The following PDE3A variants were observed in gnomAD, a reference collection of about 807,000 sequenced individuals.
The protein encoded by PDE3A is cGMP-inhibited 3',5'-cyclic phosphodiesterase 3A.
In PDE3A, 43 loss-of-function variants were observed where a neutral mutation model predicts 98.3. That is an observed-to-expected ratio of 0.44 (90% confidence interval 0.34 to 0.56). The LOEUF (loss-of-function observed/expected upper bound fraction) is 0.56, where lower values mean the gene tolerates loss of function less well. Ranked by LOEUF, PDE3A falls within the 20% of genes least tolerant of loss-of-function variation. The pLI is 0.01. For synonymous variants in PDE3A, 663 were observed against 567.9 expected (o/e 1.17, Z -2.38); for missense variants, 1,427 against 1,440.7 (o/e 0.99, Z 0.15).
At chr12:20,620,826 AC>A (rs1944115212) in intron 4 of PDE3A, among the ~76,000 whole-genome samples, 1 of 146,598 alleles carries the variant, frequency 6.8e-6, no homozygotes, top group Non-Finnish European at 1.5e-5. Flanking sequence ...CAAAAAAAAA[AC>A]ACCATTATTT....
intron 10 of PDE3A, among the ~76,000 whole-genome samples, chr12:20,643,424 C>A (rs1448434920): frequency 6.6e-6 from 1 of 152,092 alleles, no homozygotes; most frequent in Non-Finnish European, 1.5e-5. Flanking sequence ...ATGACAAGAA[C>A]AATGGAGATG....
Position 20,687,932 on chromosome 12 carries a change from A to C in PDE3A, c.*7661A>C, listed in dbSNP as rs1002054020. 7.3e-5 allele frequency among the ~76,000 whole-genome samples: 11 copies of C among 151,090 alleles called. No individual in the cohort carries two copies. Among genetic ancestry groups the C allele is most frequent in the Admixed American group, 2.0e-4 (3 of 15,160 alleles). ...CCCAACAGAAAAAAAAAAAAAAAAA[A>C]AAAAACTGGCATTGGCAAGTTTTAA... On this transcript the variant is annotated 3_prime_UTR_variant, in exon 16 of 16. Coordinates refer to ENST00000359062, the MANE Select transcript of PDE3A (RefSeq NM_000921.5).
chr12:20,519,938 C>T (rs1470136143), intron 1 of PDE3A, among the ~76,000 whole-genome samples: 1 of 152,118 alleles, frequency 6.6e-6, no homozygotes, highest in Non-Finnish European at 1.5e-5. Context: ...TCGGTTTTCT[C>T]CATACTCCTC....
At chr12:20,370,719 A>T (rs1943457698) in intron 1 of PDE3A, among the ~76,000 whole-genome samples, 1 of 152,244 alleles carries the variant, frequency 6.6e-6, no homozygotes, top group African/African-American at 2.4e-5. Context: ...TTAAACATTT[A>T]TGAAAACCAG....
At chr12:20,557,000 A>T in intron 2 of PDE3A, 3 of 345,832 alleles carry the variant, frequency 8.7e-6, no homozygotes, top group Non-Finnish European at 1.0e-5. Context: ...TCAGCAACCC[A>T]CTCTCTTTAT....
rs575372698 is a variant in PDE3A, at chr12:20,415,695, C to T, written c.960+45451C>T. Among the ~76,000 whole-genome samples, 7 of 152,284 alleles carry T rather than the reference C, an allele frequency of 4.6e-5. No homozygotes were observed. The East Asian group carries it at 1.4e-3, about 29-fold the overall frequency. The stretch of plus-strand genomic sequence containing the variant: ...CAGGTGATCTGCCCGCCTCGGCCTC[C>T]CAGAGTGCTAGGATTACAGGCGTGA... On this transcript the variant is annotated intron_variant, in intron 1 of 15. Coordinates refer to ENST00000359062, the MANE Select transcript of PDE3A (RefSeq NM_000921.5).
chr12:20,539,643 T>G (rs1941844272), intron 1 of PDE3A, among the ~76,000 whole-genome samples: 1 of 152,028 alleles, frequency 6.6e-6, no homozygotes, highest in African/African-American at 2.4e-5. Flanking sequence ...GATGAATGGA[T>G]AGATGGATGG....
intron 1 of PDE3A, among the ~76,000 whole-genome samples, chr12:20,471,253 AT>A (rs1159581394): frequency 1.3e-5 from 2 of 152,024 alleles, no homozygotes; most frequent in African/African-American, 2.4e-5. Flanking sequence ...GCGCAACCAA[AT>A]TTTTAATTTG....
At chr12:20,442,314 A>G (rs948268038) in intron 1 of PDE3A, among the ~76,000 whole-genome samples, 15 of 152,228 alleles carry the variant, frequency 9.9e-5, no homozygotes, top group Non-Finnish European at 2.2e-4. Context: ...AACAACCACA[A>G]ATATTGTAAT....
Position 20,541,075 on chromosome 12 carries a change from C to CTTTTT in PDE3A, c.961-15550_961-15546dup, listed in dbSNP as rs777927679. ...AATTGACAAGGACATTGGTAACTTTCTTTTTTTTTTTTTTTTTTTTTTTTT... is the reference window on the plus strand; with the variant it reads ...AATTGACAAGGACATTGGTAACTTTCTTTTTTTTTTTTTTTTTTTTTTTTTTTTTT... On this transcript the variant is annotated intron_variant, in intron 1 of 15. Coordinates refer to ENST00000359062, the MANE Select transcript of PDE3A (RefSeq NM_000921.5). Among the ~76,000 whole-genome samples the CTTTTT allele has an allele frequency of 3.5e-3, 187 of 52,988 alleles. 56 individuals carry two copies. Among genetic ancestry groups the CTTTTT allele is most frequent in the Non-Finnish European group, 4.5e-3 (130 of 28,690 alleles). 34.8% of individuals were successfully genotyped at this position (52,988 alleles called of 152,430 possible).
intron 8 of PDE3A, among the ~76,000 whole-genome samples, chr12:20,636,692 A>G (rs1944522425): frequency 6.6e-6 from 1 of 152,212 alleles, no homozygotes; most frequent in African/African-American, 2.4e-5. Flanking sequence ...GGGAACCCTC[A>G]TCTCAGAAAA....
intron 2 of PDE3A, among the ~76,000 whole-genome samples, chr12:20,604,885 C>G (rs917470604): frequency 6.6e-6 from 1 of 152,114 alleles, no homozygotes; most frequent in Admixed American, 6.5e-5. Context: ...TTTCATATTT[C>G]ATTGTACATG....
intron 1 of PDE3A, among the ~76,000 whole-genome samples, chr12:20,502,581 G>A (rs950818474): frequency 1.3e-5 from 2 of 152,120 alleles, no homozygotes; most frequent in Non-Finnish European, 2.9e-5. Flanking sequence ...TTCACCTAGA[G>A]CAGGTCTAGC....
intron 1 of PDE3A, among the ~76,000 whole-genome samples, chr12:20,393,558 C>T (rs1340515106): frequency 1.3e-5 from 2 of 151,924 alleles, no homozygotes. Flanking sequence ...CATCCAGTTA[C>T]CTGATTTGAT....
At position 20,582,704 on chromosome 12, in the gene PDE3A, C is replaced by CT. The variant is rs566651358; in HGVS notation, c.1011+26000dup. 7.9e-5 allele frequency among the ~76,000 whole-genome samples: 12 copies of CT among 152,064 alleles called. No individual in the cohort carries two copies. The South Asian group carries it at 2.5e-3, about 32-fold the overall frequency. On this transcript the variant is annotated intron_variant, in intron 2 of 15. Transcript: ENST00000359062. ...TAGGAATATGTTTTGAGACCATAGA[C>CT]TTTTTTCATGTTTGTGTTTGGTTTT...
intron 1 of PDE3A, among the ~76,000 whole-genome samples, chr12:20,422,473 AG>A (rs553445052): frequency 6.6e-6 from 1 of 152,328 alleles, no homozygotes; most frequent in Non-Finnish European, 1.5e-5. Flanking sequence ...TATGAAGTTG[AG>A]GTCATATATT....
At position 20,384,200 on chromosome 12, in the gene PDE3A, T is replaced by C. The variant is rs543434062; in HGVS notation, c.960+13956T>C. ...TGGGTTGACATTTTTTTTTTTTTTT[T>C]CTCTAATTTTATCTTCTGCCTACAC... On this transcript the variant is annotated intron_variant, in intron 1 of 15. Coordinates refer to ENST00000359062, the MANE Select transcript of PDE3A (RefSeq NM_000921.5). 4.2e-3 allele frequency among the ~76,000 whole-genome samples: 551 copies of C among 129,712 alleles called. 3 individuals are homozygous for C. Among genetic ancestry groups the C allele is most frequent in the African/African-American group, 0.014 (504 of 34,948 alleles). The allele number at this position is 129,712 out of a possible 152,430, so 85.1% of individuals were successfully genotyped here.
chr12:20,549,904 A>G (rs1942154197), intron 1 of PDE3A, among the ~76,000 whole-genome samples: 2 of 152,184 alleles, frequency 1.3e-5, no homozygotes, highest in South Asian at 4.1e-4. Flanking sequence ...ATTTTTTGAA[A>G]TGCATCTTAC....
Position 20,630,032 on chromosome 12 carries a change from C to T in PDE3A, c.1665C>T (p.Ala555=), listed in dbSNP as rs1944346762. The T allele has an allele frequency of 6.2e-7, 1 of 1,613,860 alleles. No homozygotes were observed. The highest frequency in any genetic ancestry group is 1.3e-5 in the African/African-American group (1 of 74,896). ...VQFPESADTT[A]KQSLGSHRAL... is the part of the protein sequence containing the mutation. ...TTCCAGAATCTGCTGACACAACTGC[C>T]AAACAAAGCCTAGGTTCTCACAGGG... Residue 555 remains alanine (A), a synonymous_variant, in exon 6 of 16, where the codon GCC becomes GCT. Coordinates refer to ENST00000359062, the MANE Select transcript of PDE3A (RefSeq NM_000921.5).
Sources: allele counts gnomAD v4.1 joint callset (sites outside exome capture counted in the v4.1 genomes callset), GRCh38; gene constraint gnomAD v4.1.1; transcripts MANE v1.5; gene names NCBI Gene and HGNC (gene_info 2026-07-23, HGNC 2026-07-21).